EDA: variants seen among roughly 807,000 people sequenced by gnomAD.
The protein encoded by EDA is ectodysplasin-A.
Under a neutral mutation model 23.6 loss-of-function variants are expected in EDA, and 2 were observed. The observed-to-expected ratio is 0.08, with a 90% CI of 0.03 to 0.27. The LOEUF (loss-of-function observed/expected upper bound fraction) is 0.27. Among genes scored for constraint, EDA ranks in the 10% least tolerant of loss-of-function variants. The pLI is 1.00. For missense variants in EDA, 229 were observed against 324.2 expected (o/e 0.71, Z 2.26); for synonymous variants, 131 against 132.0 (o/e 0.99, Z 0.05).
At position 70,035,465 on chromosome X, in the gene EDA, C is replaced by T; in HGVS notation, c.1032C>T (p.Asn344=). Residue 344 remains asparagine, a synonymous_variant, in exon 8 of 8, where the codon AAC becomes AAT. Coordinates refer to ENST00000374552, the MANE Select transcript of EDA (RefSeq NM_001399.5). ...TCGAGACGGGCAAGACCAACTACAA[C>T]ACTTGCTATACCGCAGGCGTCTGCC... is the stretch of plus-strand genomic sequence containing the variant. ...RSIETGKTNY[N]TCYTAGVCLL... is the part of the protein sequence containing the mutation. The T allele has an allele frequency of 1.7e-6, 2 of 1,211,075 alleles. No individual in the cohort carries two copies. Among genetic ancestry groups the T allele is most frequent in the Non-Finnish European group, 2.2e-6 (2 of 895,411 alleles).
chrX:69,652,092 T>TTTAG (rs1419881327), intron 1 of EDA, among the ~76,000 whole-genome samples: 5 of 111,184 alleles, frequency 4.5e-5, no homozygotes. Flanking sequence ...ACAAGCAGCA[T>TTTAG]TTAGTACCTG....
intron 1 of EDA, among the ~76,000 whole-genome samples, chrX:69,906,041 A>T (rs1290863408): frequency 9.0e-6 from 1 of 111,368 alleles, no homozygotes; most frequent in African/African-American, 3.3e-5. Flanking sequence ...CAGGTCATCT[A>T]TGTCTTCTGT....
intron 1 of EDA, among the ~76,000 whole-genome samples, chrX:69,840,815 T>G (rs2147559861): frequency 8.9e-6 from 1 of 112,147 alleles, no homozygotes; most frequent in African/African-American, 3.2e-5. Context: ...GCCTTGTTGC[T>G]GCATTCTCTG....
chrX:69,779,287 A>G (rs1175446559), intron 1 of EDA, among the ~76,000 whole-genome samples: 3 of 112,068 alleles, frequency 2.7e-5, no homozygotes. Flanking sequence ...GATGTCCATC[A>G]ACAGATGAAT....
At chrX:69,863,449 G>C (rs1295805853) in intron 1 of EDA, among the ~76,000 whole-genome samples, 1 of 101,095 alleles carries the variant, frequency 9.9e-6, no homozygotes, top group Non-Finnish European at 2.0e-5. Flanking sequence ...CAGAAAAGAA[G>C]AACTTGAAAA....
intron 1 of EDA, among the ~76,000 whole-genome samples, chrX:69,779,439 G>T (rs150314196): frequency 1.8e-5 from 2 of 111,342 alleles, no homozygotes; most frequent in South Asian, 3.8e-4. Flanking sequence ...GTCACATTTT[G>T]TATGGTTCAA....
At chrX:69,779,448 A>G (rs1395973025) in intron 1 of EDA, among the ~76,000 whole-genome samples, 1 of 111,454 alleles carries the variant, frequency 9.0e-6, no homozygotes, top group Non-Finnish European at 1.9e-5. Context: ...TGTATGGTTC[A>G]ATTTATCTGA....
intron 1 of EDA, among the ~76,000 whole-genome samples, chrX:69,703,409 A>G (rs1602313181): frequency 8.9e-6 from 1 of 112,083 alleles, no homozygotes; most frequent in South Asian, 3.8e-4. Context: ...CACAGGGGAC[A>G]TACACCGGAG....
chrX:69,923,248 T>C (rs895425771), intron 1 of EDA, among the ~76,000 whole-genome samples: 1 of 111,001 alleles, frequency 9.0e-6, no homozygotes, highest in Non-Finnish European at 1.9e-5. Flanking sequence ...GTCATGGTGG[T>C]TTGCTGCACC....
At chrX:69,911,194 A>G (rs143786885) in intron 1 of EDA, among the ~76,000 whole-genome samples, 2,052 of 111,912 alleles carry the variant, frequency 0.018, 18 homozygotes, top group Non-Finnish European at 0.025. Context: ...CAGAACTTTT[A>G]TGTTTAGCTG....
intron 1 of EDA, among the ~76,000 whole-genome samples, chrX:69,722,372 A>AT (rs1339266030): frequency 9.2e-6 from 1 of 108,966 alleles, no homozygotes; most frequent in African/African-American, 3.3e-5. Flanking sequence ...CGCCTGGCTC[A>AT]TTTTTTTGTA....
At chrX:69,685,938 A>C (rs769535522) in intron 1 of EDA, among the ~76,000 whole-genome samples, 28 of 113,154 alleles carry the variant, frequency 2.5e-4, no homozygotes, top group Admixed American at 4.6e-4. Context: ...CATAAATAGC[A>C]TTTTACAAAC....
chrX:69,766,619 G>A (rs1382649599), intron 1 of EDA, among the ~76,000 whole-genome samples: 13 of 111,881 alleles, frequency 1.2e-4, no homozygotes, highest in African/African-American at 3.3e-4. Flanking sequence ...AGGAGGCATG[G>A]TCTCATTCTC....
rs751063242 is a variant in EDA, at chrX:69,969,986, G to A, written c.502+12854G>A. Among the ~76,000 whole-genome samples the A allele has an allele frequency of 5.4e-5, 6 of 110,962 alleles. No homozygotes were observed. In the South Asian group the frequency reaches 2.3e-3, roughly 43 times the overall value. On this transcript the variant is annotated intron_variant, in intron 2 of 7. Coordinates refer to ENST00000374552, the MANE Select transcript of EDA (RefSeq NM_001399.5). The stretch of plus-strand genomic sequence containing the variant: ...CCAAGCTGGGTGGTACACATGTGTA[G>A]TCCCAGCTACTTGAGAGGTTGAGGC...
intron 2 of EDA, among the ~76,000 whole-genome samples, chrX:69,959,737 A>C (rs1173790923): frequency 9.0e-6 from 1 of 111,496 alleles, no homozygotes; most frequent in Non-Finnish European, 1.9e-5. Context: ...ATGAAGAAAA[A>C]TATAGCTGAG....
chrX:69,829,636 G>A (rs2016557419), intron 1 of EDA, among the ~76,000 whole-genome samples: 1 of 111,743 alleles, frequency 8.9e-6, no homozygotes, highest in African/African-American at 3.2e-5. Flanking sequence ...TTAACTGATA[G>A]GATCAGAAAT....
chrX:69,910,374 A>AGAGAGTGTGT (rs1191245556), intron 1 of EDA, among the ~76,000 whole-genome samples: 6 of 41,755 alleles, frequency 1.4e-4, no homozygotes, highest in Admixed American at 7.2e-4. Flanking sequence ...AGAGAGAGAG[A>AGAGAGTGTGT]GTGTGTGTGT....
At chrX:69,923,282 G>A (rs182359028) in intron 1 of EDA, among the ~76,000 whole-genome samples, 5 of 109,587 alleles carry the variant, frequency 4.6e-5, no homozygotes, top group South Asian at 4.0e-4. Context: ...TCTAAGTCCC[G>A]TCCCCTTGCC....
intron 1 of EDA, among the ~76,000 whole-genome samples, chrX:69,894,646 G>A (rs2017982078): frequency 9.0e-6 from 1 of 111,072 alleles, no homozygotes; most frequent in East Asian, 2.8e-4. Flanking sequence ...GTATTCCTAG[G>A]TAATTTATCT....
Sources: gnomAD v4.1 joint callset for allele counts (sites outside exome capture counted in the v4.1 genomes callset) on GRCh38, gnomAD v4.1.1 for gene constraint, MANE v1.5 for transcripts, NCBI Gene and HGNC (gene_info 2026-07-23, HGNC 2026-07-21) for gene names.